HDLBP: variants seen among roughly 807,000 people sequenced by gnomAD.
The protein encoded by HDLBP is high density lipoprotein binding protein, also known as vigilin.
In HDLBP, 30 loss-of-function variants were observed where a neutral mutation model predicts 137.3. The ratio of observed to expected loss-of-function variants is 0.22; its 90% CI spans 0.16 to 0.30. HDLBP has a LOEUF of 0.30. HDLBP is among the 10% of genes least tolerant of loss of function. The probability of loss-of-function intolerance (pLI) is 1.00; values close to 1 mark genes in which losing one functional copy is unlikely to be tolerated. For synonymous variants in HDLBP, 606 were observed against 596.0 expected, an observed-to-expected ratio of 1.02 and a Z score of -0.24; for missense variants, 1,119 against 1,667.3, an observed-to-expected ratio of 0.67 and a Z score of 5.73.
chr2:241,229,779 C>G (rs772749218), intron 27 of HDLBP, 54 bp downstream of exon 27: 1 of 1,560,922 alleles, frequency 6.4e-7, no homozygotes, highest in African/African-American at 1.4e-5. Context: ...ACACCAAGCC[C>G]GCCTGCCCGC....
At chr2:241,285,202 G>A (rs1051543764) in intron 1 of HDLBP, among the ~76,000 whole-genome samples, 1 of 152,196 alleles carries the variant, frequency 6.6e-6, no homozygotes, top group Admixed American at 6.5e-5. Context: ...TTAAATTAAA[G>A]TATATACCAT....
At chr2:241,234,681 C>T (rs1574846765) in intron 23 of HDLBP, among the ~76,000 whole-genome samples, 2 of 152,214 alleles carry the variant, frequency 1.3e-5, no homozygotes, top group South Asian at 2.1e-4. Context: ...ATCCTTCAAA[C>T]GTCAGCCTTG....
At position 241,272,128 on chromosome 2, in the gene HDLBP, A is replaced by T; in HGVS notation, c.-102-3587T>A. The T allele has an allele frequency of 1.0e-6, 1 of 964,068 alleles. No individual in the cohort carries two copies. Among genetic ancestry groups the T allele is most frequent in the Non-Finnish European group, 1.2e-6 (1 of 810,450 alleles). 59.7% of individuals were successfully genotyped at this position (964,068 alleles called of 1,614,324 possible). A position where few individuals can be genotyped will look rare whatever the true frequency, so the allele number is the denominator to read the frequency against. On this transcript the variant is annotated intron_variant, in intron 1 of 27. Coordinates refer to ENST00000310931, the MANE Select transcript of HDLBP (RefSeq NM_005336.6). The surrounding 1 kb of genome is among the most constrained non-coding windows in gnomAD (Gnocchi z 5.6). ...CTGGGGCACGTCCAAGTTGCACTCCAGGCCCAAGAAGAGCAGCTTTCCCCA... is the reference window on the plus strand; with the variant it reads ...CTGGGGCACGTCCAAGTTGCACTCCTGGCCCAAGAAGAGCAGCTTTCCCCA...
Position 241,253,511 on chromosome 2 carries a change from A to T in HDLBP, c.1189-14T>A. On this transcript the variant is annotated splice_polypyrimidine_tract_variant and intron_variant, in intron 9 of 27. Transcript: ENST00000310931. ...CTCGATGTGAACCTACCACACCAAAACCAAAGAGATAGCTAAAACAGAATG... is the reference window on the plus strand; with the variant it reads ...CTCGATGTGAACCTACCACACCAAATCCAAAGAGATAGCTAAAACAGAATG... 6.4e-7 allele frequency: 1 copy of T among 1,570,124 alleles called. No individual in the cohort carries two copies. The highest frequency in any genetic ancestry group is 1.1e-5 in the South Asian group (1 of 90,164).
chr2:241,285,138 C>T (rs1176599045), intron 1 of HDLBP, among the ~76,000 whole-genome samples: 3 of 152,262 alleles, frequency 2.0e-5, no homozygotes, highest in Non-Finnish European at 4.4e-5. Context: ...ACCTTGGCCT[C>T]CCAATGTGCT....
chr2:241,309,337 G>A (rs1384968427), intron 1 of HDLBP, among the ~76,000 whole-genome samples: 1 of 152,196 alleles, frequency 6.6e-6, no homozygotes, highest in Admixed American at 6.5e-5. Flanking sequence ...TCCTGGAACA[G>A]TGTCTCCAGC....
intron 9 of HDLBP, among the ~76,000 whole-genome samples, chr2:241,253,817 T>C (rs1009769671): frequency 3.9e-5 from 6 of 152,206 alleles, no homozygotes; most frequent in African/African-American, 1.4e-4. Flanking sequence ...GGCCTGGTCC[T>C]CTTGAGTTGC....
At chr2:241,293,941 A>C (rs1008774656) in intron 1 of HDLBP, among the ~76,000 whole-genome samples, 2 of 152,066 alleles carry the variant, frequency 1.3e-5, no homozygotes, top group African/African-American at 4.8e-5. Flanking sequence ...AAAAAACAAA[A>C]ACAGAAACAT....
intron 17 of HDLBP, among the ~76,000 whole-genome samples, 173 bp downstream of exon 17, chr2:241,242,287 G>A (rs1458309990): frequency 1.3e-5 from 2 of 151,092 alleles, no homozygotes; most frequent in Non-Finnish European, 3.0e-5. Context: ...GTTTGGACCT[G>A]GAAAGGCCCT....
chr2:241,250,055 A>G, intron 11 of HDLBP, 75 bp from the exon 12 acceptor site: 1 of 1,357,986 alleles, frequency 7.4e-7, no homozygotes, highest in Non-Finnish European at 1.0e-6. Flanking sequence ...TGGGCAGGAC[A>G]GCGCTAAAGC....
At chr2:241,258,565 T>C (rs2072909187) in intron 5 of HDLBP, among the ~76,000 whole-genome samples, 1 of 151,948 alleles carries the variant, frequency 6.6e-6, no homozygotes, top group African/African-American at 2.4e-5. Flanking sequence ...GAAAGCCGTA[T>C]GGAAAAAAGT....
intron 5 of HDLBP, among the ~76,000 whole-genome samples, chr2:241,262,200 G>T (rs1296390170): frequency 1.3e-5 from 2 of 152,222 alleles, no homozygotes; most frequent in Non-Finnish European, 2.9e-5. Context: ...TGTAGTTAGT[G>T]AACATACTAG....
chr2:241,256,152 C>T (rs780548420), intron 7 of HDLBP, 32 bp downstream of exon 7: 1 of 1,557,670 alleles, frequency 6.4e-7, no homozygotes, highest in South Asian at 1.1e-5. Flanking sequence ...CTATTCCTGC[C>T]CATGGGGATT....
At position 241,238,367 on chromosome 2, in the gene HDLBP, G is replaced by C. The variant is rs1344184628; in HGVS notation, c.2749+282C>G. ...CATGAGAATCACTGGGACTGAACTC[G>C]GGACACCCGAGGATGAGGCTGCACG... On this transcript the variant is annotated intron_variant, in intron 20 of 27. Coordinates refer to ENST00000310931, the MANE Select transcript of HDLBP (RefSeq NM_005336.6). The surrounding 1 kb of genome is among the most constrained non-coding windows in gnomAD (Gnocchi z 4.9). 7.5e-6 allele frequency: 2 copies of C among 267,908 alleles called. No individual in the cohort carries two copies. The highest frequency in any genetic ancestry group is 1.4e-5 in the Non-Finnish European group (2 of 142,932). 16.6% of individuals were successfully genotyped at this position (267,908 alleles called of 1,614,324 possible).
chr2:241,264,296 A>G, intron 4 of HDLBP, 152 bp downstream of exon 4: 3 of 470,828 alleles, frequency 6.4e-6, no homozygotes, highest in East Asian at 7.5e-5. Flanking sequence ...CGGGAGGCGG[A>G]GCGTGCAGTG....
intron 1 of HDLBP, among the ~76,000 whole-genome samples, chr2:241,298,022 C>A (rs2075246708): frequency 8.0e-6 from 1 of 125,678 alleles, no homozygotes. Flanking sequence ...CACTCCAGGC[C>A]TGGACAGAGT....
chr2:241,242,046 G>A (rs748765046), intron 17 of HDLBP, among the ~76,000 whole-genome samples: 16 of 152,158 alleles, frequency 1.1e-4, no homozygotes, highest in Non-Finnish European at 1.6e-4. Context: ...AGAAGAGCCC[G>A]GAAACATACC....
intron 1 of HDLBP, among the ~76,000 whole-genome samples, chr2:241,311,709 C>G (rs568620278): frequency 1.3e-5 from 2 of 152,130 alleles, no homozygotes; most frequent in Non-Finnish European, 2.9e-5. Context: ...TTGTAATAAC[C>G]CAGGAAAACA....
At chr2:241,247,870 G>A (rs758434714) in intron 14 of HDLBP, 133 bp downstream of exon 14, 1 of 638,504 alleles carries the variant, frequency 1.6e-6, no homozygotes, top group Non-Finnish European at 2.8e-6. Flanking sequence ...AAGTCCCTGA[G>A]ATGGAAGGCC....
Sources: allele counts gnomAD v4.1 joint callset (sites outside exome capture counted in the v4.1 genomes callset), GRCh38; gene constraint gnomAD v4.1.1; non-coding constraint Gnocchi (gnomAD v3.1); transcripts MANE v1.5; gene names NCBI Gene and HGNC (gene_info 2026-07-23, HGNC 2026-07-21).